The following SEPSECS variants were observed in gnomAD, a reference collection of about 807,000 sequenced individuals.
SEPSECS encodes O-phosphoseryl-tRNA(Sec) selenium transferase.
A neutral mutation model predicts 52.1 loss-of-function variants in SEPSECS; 42 were observed. The observed-to-expected ratio is 0.81, with a 90% confidence interval of 0.63 to 1.04. The LOEUF (loss-of-function observed/expected upper bound fraction) is 1.04, where lower values mean the gene tolerates loss of function less well. Ranked by LOEUF, SEPSECS falls within the 50% of genes least tolerant of loss-of-function variation. SEPSECS has a pLI of 0.00. For missense variants in SEPSECS, 590 were observed against 610.6 expected (o/e 0.97, Z 0.36); for synonymous variants, 216 against 211.4 (o/e 1.02, Z -0.19).
In SEPSECS at chr4:25,124,443, C is replaced by T. The variant is rs543820072; in HGVS notation, c.1212-218G>A. On this transcript the variant is annotated intron_variant, in intron 10 of 10. Coordinates refer to ENST00000382103, the MANE Select transcript of SEPSECS (RefSeq NM_016955.4). ...TAAAAAAGTCCTGCCTCGTGATTAT[C>T]GTTTACTTAACTTCTATTAAAGACC... is the stretch of plus-strand genomic sequence containing the variant. Among the ~76,000 whole-genome samples, 18 of 152,166 alleles carry T rather than the reference C, an allele frequency of 1.2e-4. No homozygotes were observed. In the South Asian group the frequency reaches 1.5e-3, roughly 12 times the overall value.
chr4:25,152,084 A>G (rs937220221), intron 5 of SEPSECS, 22 bp from the exon 6 acceptor site: 1 of 1,287,736 alleles, frequency 7.8e-7, no homozygotes, highest in African/African-American at 1.5e-5. Context: ...AATATTCAAT[A>G]GAAAGACATA....
intron 5 of SEPSECS, among the ~76,000 whole-genome samples, chr4:25,154,122 G>C (rs1712475236): frequency 6.6e-6 from 1 of 152,044 alleles, no homozygotes; most frequent in Non-Finnish European, 1.5e-5. Context: ...CATATGAAAA[G>C]TAATCTTAAA....
chr4:25,129,178 T>C (rs1436922757), intron 8 of SEPSECS, among the ~76,000 whole-genome samples: 1 of 152,176 alleles, frequency 6.6e-6, no homozygotes, highest in East Asian at 1.9e-4. Context: ...ACATCTACTA[T>C]GGCCATACCT....
In SEPSECS at chr4:25,124,224, C is replaced by A. The variant is rs2109479574; in HGVS notation, c.1213G>T (p.Val405Phe). The A allele has an allele frequency of 5.0e-6, 8 of 1,612,948 alleles. No homozygotes were observed. Among genetic ancestry groups the A allele is most frequent in the Non-Finnish European group, 6.8e-6 (8 of 1,179,476 alleles). Residue 405 changes from valine (V) to phenylalanine (F), a missense_variant and splice_region_variant, in exon 11 of 11, where the codon GTT becomes TTT. Val to Phe is a conservative substitution (Grantham distance 50, BLOSUM62 -1). Coordinates refer to ENST00000382103, the MANE Select transcript of SEPSECS (RefSeq NM_016955.4). The part of the protein sequence containing the change: ...LFTRQVSGAR[V>F]VPLGSMQTVS... Reference sequence around the variant, plus strand: ...GTTTGCATGGACCCAAGAGGCACAACCCTGAAAGAAGAAAGATTTACCAAT... The same window carrying A: ...GTTTGCATGGACCCAAGAGGCACAAACCTGAAAGAAGAAAGATTTACCAAT...
At chr4:25,144,435 G>C (rs1478643656) in intron 8 of SEPSECS, among the ~76,000 whole-genome samples, 1 of 151,066 alleles carries the variant, frequency 6.6e-6, no homozygotes, top group Non-Finnish European at 1.5e-5. Flanking sequence ...CTAAAAAGAT[G>C]ACTTATCCAT....
intron 1 of SEPSECS, 153 bp downstream of exon 1, chr4:25,160,103 C>A (rs1312249874): frequency 1.0e-6 from 1 of 985,350 alleles, no homozygotes; most frequent in African/African-American, 1.7e-5. Context: ...GCACAGACCG[C>A]AGTCGGTCAG....
intron 5 of SEPSECS, among the ~76,000 whole-genome samples, chr4:25,152,326 A>G (rs1712354016): frequency 6.6e-6 from 1 of 152,080 alleles, no homozygotes; most frequent in Non-Finnish European, 1.5e-5. Flanking sequence ...TATGTAGATG[A>G]TAAATCATTT....
At chr4:25,160,118 G>C (rs1712972903) in intron 1 of SEPSECS, 138 bp downstream of exon 1, 2 of 1,467,458 alleles carry the variant, frequency 1.4e-6, no homozygotes, top group African/African-American at 1.4e-5. Context: ...GGTCAGCTAG[G>C]GCAAGCCAAG....
At position 25,152,230 on chromosome 4, in the gene SEPSECS, T is replaced by C. The variant is rs559532833; in HGVS notation, c.702-168A>G. ...GTATTTTGACATGTAATTCAGCAGC[T>C]TGGAAATACATAGCAAGCTCTTTCG... On this transcript the variant is annotated intron_variant, in intron 5 of 10. Transcript: ENST00000382103. Among the ~76,000 whole-genome samples, 4 of 152,200 alleles carry C rather than the reference T, an allele frequency of 2.6e-5. No individual in the cohort carries two copies. The East Asian group carries it at 5.8e-4, about 22-fold the overall frequency.
At chr4:25,154,937 T>C (rs1712527572) in intron 5 of SEPSECS, 61 bp downstream of exon 5, 5 of 1,483,530 alleles carry the variant, frequency 3.4e-6, no homozygotes, top group Non-Finnish European at 4.7e-6. Context: ...ATTTGAGAAT[T>C]AGTATATTTT....
chr4:25,156,280 A>G lies in SEPSECS; in HGVS notation c.389-85T>C, dbSNP rs1312851644. 2.4e-6 allele frequency: 3 copies of G among 1,256,350 alleles called. No individual in the cohort carries two copies. The Admixed American group carries it at 5.3e-5, about 22-fold the overall frequency. The allele number at this position is 1,256,350 out of a possible 1,614,324, so 77.8% of individuals were successfully genotyped here. Reference sequence around the variant, plus strand: ...GAGGAAATAATATATTTCATATATAAAATAGTAAGAGTCGTAGCCCTAGGG... The same window carrying G: ...GAGGAAATAATATATTTCATATATAGAATAGTAAGAGTCGTAGCCCTAGGG... On this transcript the variant is annotated intron_variant, in intron 3 of 10. Transcript: ENST00000382103.
At chr4:25,139,024 T>C (rs1251710127) in intron 8 of SEPSECS, among the ~76,000 whole-genome samples, 1 of 152,224 alleles carries the variant, frequency 6.6e-6, no homozygotes, top group South Asian at 2.1e-4. Flanking sequence ...ACACCACGAA[T>C]GTCAATGAAT....
intron 9 of SEPSECS, 85 bp downstream of exon 9, chr4:25,127,179 A>G: frequency 1.2e-6 from 1 of 806,022 alleles, no homozygotes; most frequent in Non-Finnish European, 2.1e-6. Flanking sequence ...ATAACTAGAA[A>G]GAGTTTTCTC....
rs200651689 is a variant in SEPSECS at position 25,151,990 on chromosome 4, C to T, written c.774G>A (p.Gln258=). 2 of 1,597,496 alleles carry T rather than the reference C, an allele frequency of 1.3e-6. No homozygotes were observed. Among genetic ancestry groups the T allele is most frequent in the Middle Eastern group, 1.7e-4 (1 of 6,012 alleles). ...PHIVNNAYGV[Q]SSKCMHLIQQ... ...GAATGAGATGCATACACTTTGAAGA[C>T]TGCACTCCATAAGCATTATTAACTA... The change falls in exon 6 of 11, where the codon CAG becomes CAA. Residue 258 remains glutamine (Q), a synonymous_variant. Coordinates refer to ENST00000382103, the MANE Select transcript of SEPSECS (RefSeq NM_016955.4).
rs1304107289 is a variant in SEPSECS at position 25,120,154 on chromosome 4, C to G, written c.*3777G>C. 1.3e-5 allele frequency: 2 copies of G among 152,138 alleles called. No individual in the cohort carries two copies. Among genetic ancestry groups the G allele is most frequent in the Non-Finnish European group, 2.9e-5 (2 of 68,000 alleles). 9.4% of individuals were successfully genotyped at this position (152,138 alleles called of 1,614,324 possible). ...CAGGCTGACATCAGCTTCATATTCT[C>G]ATGGCTAAAATCCCCCACGGTTATA... On this transcript the variant is annotated 3_prime_UTR_variant, in exon 11 of 11. Coordinates refer to ENST00000382103, the MANE Select transcript of SEPSECS (RefSeq NM_016955.4).
intron 3 of SEPSECS, among the ~76,000 whole-genome samples, chr4:25,156,641 G>A (rs1712664881): frequency 7.2e-6 from 1 of 139,182 alleles, no homozygotes; most frequent in South Asian, 2.2e-4. Flanking sequence ...CCGGGAGACG[G>A]AGCTTGCAGT....
chr4:25,156,684 G>C (rs970285563), intron 3 of SEPSECS, among the ~76,000 whole-genome samples, 172 bp downstream of exon 3: 7 of 125,976 alleles, frequency 5.6e-5, no homozygotes, highest in Non-Finnish European at 4.7e-5. Context: ...TTCCAGCCTG[G>C]GCAACAGAGC....
rs891557080 is a variant in SEPSECS, at chr4:25,156,952, A to T, written c.292T>A (p.Ser98Thr). The T allele has an allele frequency of 3.7e-6, 6 of 1,611,810 alleles. No individual in the cohort carries two copies. In the East Asian group the frequency reaches 1.3e-4, roughly 36 times the overall value. ...GGTTGCACAGCAGAAATATCACCGG[A>T]TCGTCCAATGCCATGAATGAACCTA... ...HYRFIHGIGR[S>T]GDISAVQPKA... Residue 98 changes from serine to threonine, a missense_variant, in exon 3 of 11, where the codon TCC (serine) becomes ACC (threonine). By Grantham distance (58) the Ser-to-Thr change is moderately conservative. Coordinates refer to ENST00000382103, the MANE Select transcript of SEPSECS (RefSeq NM_016955.4).
At chr4:25,132,551 A>C (rs1728653100) in intron 8 of SEPSECS, among the ~76,000 whole-genome samples, 1 of 152,218 alleles carries the variant, frequency 6.6e-6, no homozygotes, top group Non-Finnish European at 1.5e-5. Flanking sequence ...GGACATCCAC[A>C]TTTTTCAACA....
Sources: gnomAD v4.1 joint callset for allele counts (sites outside exome capture counted in the v4.1 genomes callset) on GRCh38, gnomAD v4.1.1 for gene constraint, MANE v1.5 for transcripts, NCBI Gene and HGNC (gene_info 2026-07-23, HGNC 2026-07-21) for gene names.